USH2A: variants seen among roughly 807,000 people sequenced by gnomAD.
USH2A encodes usherin, also known as Usher syndrome 2A (autosomal recessive, mild).
In USH2A, 443 loss-of-function variants were observed where a neutral mutation model predicts 538.9. The observed-to-expected ratio is 0.82, with a 90% CI of 0.76 to 0.89. USH2A has a LOEUF of 0.89. Ranked by LOEUF, USH2A falls within the 40% of genes least tolerant of loss-of-function variation. The pLI, the probability that USH2A is intolerant of heterozygous loss-of-function variation, is 0.00. For synonymous variants in USH2A, 2,413 were observed against 2,273.5 expected (o/e 1.06, Z -1.75); for missense variants, 6,633 against 6,324.8 (o/e 1.05, Z -1.65).
chr1:215,825,475 AT>A (rs1267513743), intron 47 of USH2A, among the ~76,000 whole-genome samples: 1 of 152,186 alleles, frequency 6.6e-6, no homozygotes, highest in Non-Finnish European at 1.5e-5. Context: ...GTCAGATCAA[AT>A]TTTTATGAAG....
intron 47 of USH2A, among the ~76,000 whole-genome samples, chr1:215,819,147 G>A (rs1417827553): frequency 2.6e-5 from 4 of 151,766 alleles, no homozygotes; most frequent in African/African-American, 9.7e-5. Flanking sequence ...AATAAAGCAA[G>A]CACATAAGAA....
chr1:216,330,997 G>A (rs1160406938), intron 4 of USH2A, among the ~76,000 whole-genome samples: 1 of 151,982 alleles, frequency 6.6e-6, no homozygotes, highest in Non-Finnish European at 1.5e-5. Context: ...TAAAGGGGCT[G>A]GGTTTTATAA....
In USH2A at chr1:215,970,657, A is replaced by C. The variant is rs772407116; in HGVS notation, c.6925T>G (p.Cys2309Gly). ...CCCAGAGCACAACCTTTGGCCGTGC[A>C]TGCTTGGACTCTGAAGGAATGTAAA... is the stretch of plus-strand genomic sequence containing the variant. ...WSLHSFRVQA[C>G]TAKGCALGPL... Residue 2309 changes from cysteine to glycine, a missense_variant, in exon 36 of 72, where the codon TGC becomes GGC. Cys to Gly is a radical substitution (Grantham distance 159). Transcript: ENST00000307340. The C allele has an allele frequency of 1.9e-6, 3 of 1,613,580 alleles. No homozygotes were observed. The African/African-American group carries it at 4.0e-5, about 22-fold the overall frequency.
At chr1:215,719,208 C>G (rs2102705232) in intron 61 of USH2A, among the ~76,000 whole-genome samples, 1 of 151,828 alleles carries the variant, frequency 6.6e-6, no homozygotes, top group East Asian at 1.9e-4. Context: ...AATCCCAGAT[C>G]TAAGGGAAAG....
At chr1:216,137,804 T>C (rs967381535) in intron 21 of USH2A, among the ~76,000 whole-genome samples, 1 of 152,196 alleles carries the variant, frequency 6.6e-6, no homozygotes, top group Non-Finnish European at 1.5e-5. Flanking sequence ...CCAGGATCAG[T>C]ACTTTGTATC....
At chr1:216,313,017 G>A (rs906398260) in intron 9 of USH2A, among the ~76,000 whole-genome samples, 2 of 152,074 alleles carry the variant, frequency 1.3e-5, no homozygotes, top group Non-Finnish European at 2.9e-5. Flanking sequence ...ACCAGGGATC[G>A]GTTTTGTGGA....
intron 51 of USH2A, among the ~76,000 whole-genome samples, chr1:215,788,133 A>T (rs1444919070): frequency 2.0e-5 from 3 of 152,128 alleles, no homozygotes; most frequent in Non-Finnish European, 4.4e-5. Context: ...ACGTGTTGAA[A>T]GTCTAAGAAA....
chr1:215,972,818 G>A (rs959911286), intron 35 of USH2A, among the ~76,000 whole-genome samples: 3 of 152,046 alleles, frequency 2.0e-5, no homozygotes, highest in Non-Finnish European at 4.4e-5. Context: ...GCCAGTATCT[G>A]TTTTTCTTTA....
intron 43 of USH2A, among the ~76,000 whole-genome samples, chr1:215,867,704 T>A (rs1254508875): frequency 3.9e-5 from 6 of 152,222 alleles, no homozygotes; most frequent in African/African-American, 1.4e-4. Flanking sequence ...GTGACCAAAG[T>A]GTACAACATT....
At chr1:216,382,347 A>C (rs568115112) in intron 3 of USH2A, among the ~76,000 whole-genome samples, 1 of 152,302 alleles carries the variant, frequency 6.6e-6, no homozygotes, top group South Asian at 2.1e-4. Flanking sequence ...ATAAATAGTA[A>C]GGGAGAGTAT....
intron 30 of USH2A, among the ~76,000 whole-genome samples, chr1:216,050,604 C>CTTTCTTTCTTTTTTT (rs1195871302): frequency 1.5e-5 from 1 of 68,564 alleles, no homozygotes; most frequent in African/African-American, 5.3e-5. Flanking sequence ...TTCTTTCTTT[C>CTTTCTTTCTTTTTTT]TTTTTTTTTT....
chr1:216,408,755 C>A (rs1224762361), intron 3 of USH2A, among the ~76,000 whole-genome samples: 1 of 152,106 alleles, frequency 6.6e-6, no homozygotes, highest in Non-Finnish European at 1.5e-5. Flanking sequence ...ATACAGTTTC[C>A]TTGAACACAA....
At chr1:215,994,286 C>A (rs112337787) in intron 34 of USH2A, among the ~76,000 whole-genome samples, 1 of 152,060 alleles carries the variant, frequency 6.6e-6, no homozygotes, top group African/African-American at 2.4e-5. Flanking sequence ...TTAGGCGTCT[C>A]TCTGATTTTT....
chr1:215,787,430 T>C lies in USH2A; in HGVS notation c.10183-556A>G, dbSNP rs188353803. 3.6e-3 allele frequency among the ~76,000 whole-genome samples: 542 copies of C among 152,272 alleles called. 11 individuals carry two copies. Among genetic ancestry groups the C allele is most frequent in the Middle Eastern group, 0.014 (4 of 294 alleles). ...CCAAGTTTTTAAAAATATAAATGTT[T>C]CATGAACTGTCATTGTAATTATAAT... On this transcript the variant is annotated intron_variant, in intron 51 of 71. Transcript: ENST00000307340.
At chr1:216,070,080 C>G (rs373198770) in intron 30 of USH2A, 21 bp downstream of exon 30, 20 of 1,613,256 alleles carry the variant, frequency 1.2e-5, no homozygotes, top group Non-Finnish European at 1.6e-5. Context: ...AGGGTCTACT[C>G]TGTTAAAGGA....
chr1:216,196,131 A>G (rs932288481), intron 19 of USH2A, among the ~76,000 whole-genome samples: 5 of 152,316 alleles, frequency 3.3e-5, no homozygotes, highest in African/African-American at 1.2e-4. Flanking sequence ...GTAGAAATGT[A>G]TATGAAATGT....
intron 32 of USH2A, among the ~76,000 whole-genome samples, chr1:216,005,187 C>T (rs540130337): frequency 3.3e-5 from 5 of 152,224 alleles, no homozygotes; most frequent in African/African-American, 1.2e-4. Flanking sequence ...TTTGCAGGTG[C>T]TGCTCCTTCT....
chr1:215,989,441 T>C (rs1180040512), intron 35 of USH2A, among the ~76,000 whole-genome samples: 1 of 152,170 alleles, frequency 6.6e-6, no homozygotes. Flanking sequence ...TTCATTTATA[T>C]GGATATTTTC....
At chr1:215,906,423 G>A (rs1665641911) in intron 38 of USH2A, among the ~76,000 whole-genome samples, 1 of 152,014 alleles carries the variant, frequency 6.6e-6, no homozygotes, top group Admixed American at 6.6e-5. Flanking sequence ...TCGCAGAACT[G>A]ATGTAACTGG....
Sources: gnomAD v4.1 joint callset for allele counts (sites outside exome capture counted in the v4.1 genomes callset) on GRCh38, gnomAD v4.1.1 for gene constraint, MANE v1.5 for transcripts, NCBI Gene and HGNC (gene_info 2026-07-23, HGNC 2026-07-21) for gene names.